ACSL5: variants seen among roughly 807,000 people sequenced by gnomAD.
The protein encoded by ACSL5 is acyl-CoA synthetase long chain family member 5.
A neutral mutation model predicts 84.9 loss-of-function variants in ACSL5; 50 were observed. The ratio of observed to expected loss-of-function variants is 0.59; its 90% confidence interval spans 0.47 to 0.75. The LOEUF is 0.75. Ranked by LOEUF, ACSL5 falls within the 30% of genes least tolerant of loss-of-function variation. The probability of loss-of-function intolerance (pLI) is 0.00; values close to 1 mark genes in which losing one functional copy is unlikely to be tolerated. For synonymous variants in ACSL5, 280 were observed against 300.7 expected, an observed-to-expected ratio of 0.93 and a Z score of 0.71; for missense variants, 775 against 830.4, an observed-to-expected ratio of 0.93 and a Z score of 0.82.
intron 15 of ACSL5, 51 bp downstream of exon 15, chr10:112,421,716 C>A: frequency 6.5e-7 from 1 of 1,533,154 alleles, no homozygotes; most frequent in Non-Finnish European, 9.0e-7. Flanking sequence ...GAGAAAGGTT[C>A]TAACTGAACT....
chr10:112,417,748 C>A (rs1303291743), intron 13 of ACSL5, 98 bp from the exon 14 acceptor site: 1 of 909,000 alleles, frequency 1.1e-6, no homozygotes, highest in East Asian at 2.4e-5. Context: ...GTTTAATTCT[C>A]ATAACAACGC....
chr10:112,393,897 T>G (rs1449605415), intron 1 of ACSL5, among the ~76,000 whole-genome samples: 1 of 152,262 alleles, frequency 6.6e-6, no homozygotes, highest in African/African-American at 2.4e-5. Flanking sequence ...AATACTACTT[T>G]ATAGTGTTGT....
chr10:112,396,806 C>T (rs1238397998), intron 2 of ACSL5, among the ~76,000 whole-genome samples: 1 of 152,164 alleles, frequency 6.6e-6, no homozygotes, highest in East Asian at 1.9e-4. Context: ...TCTTCCTTGA[C>T]TAGGCACTTA....
chr10:112,381,442 T>C (rs760619577), intron 1 of ACSL5, among the ~76,000 whole-genome samples: 31 of 151,844 alleles, frequency 2.0e-4, no homozygotes, highest in Non-Finnish European at 4.3e-4. Flanking sequence ...CCAAGGCAGG[T>C]AGATCACTTG....
At chr10:112,390,106 G>C (rs1207984473) in intron 1 of ACSL5, among the ~76,000 whole-genome samples, 2 of 138,898 alleles carry the variant, frequency 1.4e-5, no homozygotes, top group Admixed American at 7.3e-5. Flanking sequence ...ATAAAAAAGA[G>C]ATTATCAAGA....
chr10:112,405,770 A>C (rs1844021329), intron 5 of ACSL5, among the ~76,000 whole-genome samples: 1 of 152,242 alleles, frequency 6.6e-6, no homozygotes, highest in Non-Finnish European at 1.5e-5. Flanking sequence ...GTAGTTGATT[A>C]ACACATATTT....
At chr10:112,392,125 A>T (rs988084631) in intron 1 of ACSL5, among the ~76,000 whole-genome samples, 1 of 152,188 alleles carries the variant, frequency 6.6e-6, no homozygotes, top group Non-Finnish European at 1.5e-5. Context: ...GTTGGTAAGG[A>T]TCTCTTAATT....
chr10:112,412,004 T>A, intron 11 of ACSL5, 25 bp downstream of exon 11: 1 of 1,589,150 alleles, frequency 6.3e-7, no homozygotes, highest in Non-Finnish European at 8.6e-7. Context: ...TTCCTAGCAG[T>A]ATGTGGCAAG....
chr10:112,401,264 C>T (rs1843881572), intron 3 of ACSL5, among the ~76,000 whole-genome samples: 1 of 152,150 alleles, frequency 6.6e-6, no homozygotes, highest in African/African-American at 2.4e-5. Context: ...TCTGGGGTTG[C>T]ATACATTAGC....
chr10:112,410,793 A>G (rs1844159847), intron 9 of ACSL5, among the ~76,000 whole-genome samples, 158 bp downstream of exon 9: 1 of 152,226 alleles, frequency 6.6e-6, no homozygotes, highest in African/African-American at 2.4e-5. Context: ...AAATGGAAAA[A>G]CATAAACATA....
intron 1 of ACSL5, among the ~76,000 whole-genome samples, chr10:112,384,369 AC>A (rs1564730720): frequency 2.0e-5 from 3 of 152,280 alleles, no homozygotes; most frequent in African/African-American, 4.8e-5. Context: ...TATCCCCAGC[AC>A]CTGGAACAAT....
intron 1 of ACSL5, among the ~76,000 whole-genome samples, chr10:112,392,335 G>T (rs1372839866): frequency 8.9e-6 from 1 of 112,162 alleles, no homozygotes; most frequent in Non-Finnish European, 2.1e-5. Context: ...GGCCAGGTAC[G>T]GTGGCTCACA....
chr10:112,404,231 T>G (rs558705034), intron 3 of ACSL5, among the ~76,000 whole-genome samples: 18 of 152,378 alleles, frequency 1.2e-4, no homozygotes, highest in African/African-American at 4.3e-4. Flanking sequence ...TATGGATGGC[T>G]TTCTCTGAAT....
chr10:112,390,523 C>T (rs745384439), intron 1 of ACSL5, among the ~76,000 whole-genome samples: 1 of 152,204 alleles, frequency 6.6e-6, no homozygotes, highest in African/African-American at 2.4e-5. Flanking sequence ...AGCAATTTCT[C>T]TCCTAGGTCT....
chr10:112,391,853 C>A (rs774776951), intron 1 of ACSL5, among the ~76,000 whole-genome samples: 3 of 152,144 alleles, frequency 2.0e-5, no homozygotes, highest in Admixed American at 1.3e-4. Flanking sequence ...GTAACAATCA[C>A]CTGAGATTGA....
intron 1 of ACSL5, among the ~76,000 whole-genome samples, chr10:112,377,036 C>G (rs564514229): frequency 1.4e-5 from 2 of 145,096 alleles, no homozygotes; most frequent in African/African-American, 5.2e-5. Context: ...GAAAGGGACT[C>G]TACCACCGGA....
chr10:112,421,571 A>T, intron 14 of ACSL5, 22 bp from the exon 15 acceptor site: 1 of 1,611,736 alleles, frequency 6.2e-7, no homozygotes, highest in Non-Finnish European at 8.5e-7. Context: ...GTAAGTCTAA[A>T]AGCTCTTCTT....
chr10:112,399,114 G>A, intron 3 of ACSL5, 105 bp downstream of exon 3: 1 of 918,126 alleles, frequency 1.1e-6, no homozygotes. Flanking sequence ...TAGATGCAGT[G>A]ATCCAAGTAG....
In ACSL5 at chr10:112,411,579, T is replaced by G. The variant is rs756791920; in HGVS notation, c.870+50T>G. 4.5e-6 allele frequency: 7 copies of G among 1,541,242 alleles called. No individual in the cohort carries two copies. In the African/African-American group the frequency reaches 8.2e-5, roughly 18 times the overall value. On this transcript the variant is annotated intron_variant, in intron 10 of 20. Transcript: ENST00000354655. The stretch of plus-strand genomic sequence containing the variant: ...CTCTCATTAAAATGTGAATCTGTCA[T>G]AAGATTTTTATTTTTGAGGTTAGAG...
Sources: allele counts gnomAD v4.1 joint callset (sites outside exome capture counted in the v4.1 genomes callset), GRCh38; gene constraint gnomAD v4.1.1; transcripts MANE v1.5; gene names NCBI Gene and HGNC (gene_info 2026-07-23, HGNC 2026-07-21).